C8orf34: variants seen among roughly 807,000 people sequenced by gnomAD.
C8orf34 encodes uncharacterized protein C8orf34.
Under a neutral mutation model 68.3 loss-of-function variants are expected in C8orf34, and 65 were observed. That is an observed-to-expected ratio of 0.95 (90% CI 0.78 to 1.17). The LOEUF (loss-of-function observed/expected upper bound fraction) is 1.17, where lower values mean the gene tolerates loss of function less well. Ranked by LOEUF, C8orf34 falls within the 50% of genes most tolerant of loss-of-function variation. The pLI is 0.00. For missense variants in C8orf34, 664 were observed against 655.4 expected, an observed-to-expected ratio of 1.01 and a Z score of -0.14; for synonymous variants, 244 against 241.2, an observed-to-expected ratio of 1.01 and a Z score of -0.11.
At chr8:68,409,942 C>G (rs1442127867) in intron 1 of C8orf34, among the ~76,000 whole-genome samples, 1 of 152,186 alleles carries the variant, frequency 6.6e-6, no homozygotes, top group Non-Finnish European at 1.5e-5. Context: ...CAGTAACATG[C>G]TGTGCAGGTT....
At chr8:68,580,958 C>T (rs1041554612) in intron 7 of C8orf34, among the ~76,000 whole-genome samples, 3 of 152,030 alleles carry the variant, frequency 2.0e-5, no homozygotes, top group Admixed American at 6.6e-5. Context: ...AATCCCCTAG[C>T]TATTTCAAGT....
At chr8:68,639,071 G>A (rs1585655309) in intron 7 of C8orf34, among the ~76,000 whole-genome samples, 1 of 152,084 alleles carries the variant, frequency 6.6e-6, no homozygotes, top group African/African-American at 2.4e-5. Flanking sequence ...TGGCTGAAAA[G>A]TGTGTGTTCA....
rs564911717 is a variant in C8orf34 at position 68,434,767 on chromosome 8, C to G, written c.328-4732C>G. On this transcript the variant is annotated intron_variant, in intron 1 of 13. Transcript: ENST00000518698. ...AAACAATATTAAGAGAACATTGAGG[C>G]TGGGCGCAGTGGCTCATGCCTGTAA... Among the ~76,000 whole-genome samples the G allele has an allele frequency of 6.6e-5, 10 of 152,246 alleles. No individual in the cohort carries two copies. In the South Asian group the frequency reaches 2.1e-3, roughly 32 times the overall value.
intron 7 of C8orf34, among the ~76,000 whole-genome samples, chr8:68,605,537 G>T (rs949334505): frequency 6.6e-6 from 1 of 152,060 alleles, no homozygotes; most frequent in African/African-American, 2.4e-5. Context: ...ACTATAAAAA[G>T]TGAACTAGCA....
intron 2 of C8orf34, among the ~76,000 whole-genome samples, chr8:68,444,455 T>G (rs2129626516): frequency 6.6e-6 from 1 of 152,246 alleles, no homozygotes; most frequent in Middle Eastern, 3.4e-3. Context: ...TACTGTATTC[T>G]TGTTTTTTAT....
At chr8:68,446,724 G>A in intron 3 of C8orf34, 1 of 411,704 alleles carries the variant, frequency 2.4e-6, no homozygotes, top group South Asian at 9.3e-5. Flanking sequence ...CATGGAGCGG[G>A]TCTCTTGTTT....
chr8:68,593,730 A>G (rs1341088515), intron 7 of C8orf34, among the ~76,000 whole-genome samples: 3 of 151,922 alleles, frequency 2.0e-5, no homozygotes, highest in Admixed American at 1.3e-4. Context: ...TCAAAAAAGT[A>G]CCTTTTAGTT....
chr8:68,334,933 T>C (rs898520604), intron 1 of C8orf34, among the ~76,000 whole-genome samples: 3 of 152,200 alleles, frequency 2.0e-5, no homozygotes, highest in African/African-American at 7.2e-5. Flanking sequence ...CTTCCAGCCA[T>C]GTATGCAACC....
chr8:68,587,817 T>C (rs1370240293), intron 7 of C8orf34, among the ~76,000 whole-genome samples: 2 of 152,044 alleles, frequency 1.3e-5, no homozygotes, highest in Non-Finnish European at 2.9e-5. Context: ...ATAGCATGGC[T>C]GTTTAAATAG....
At chr8:68,620,680 T>C (rs1287886321) in intron 7 of C8orf34, among the ~76,000 whole-genome samples, 2 of 148,876 alleles carry the variant, frequency 1.3e-5, no homozygotes, top group African/African-American at 4.9e-5. Context: ...AAAAAAAGAC[T>C]AAGTTTACTG....
intron 1 of C8orf34, among the ~76,000 whole-genome samples, chr8:68,344,606 A>G (rs1806205865): frequency 6.6e-6 from 1 of 152,206 alleles, no homozygotes. Flanking sequence ...ATATGAGTCT[A>G]CAATTACTTC....
In C8orf34 at chr8:68,576,505, C is replaced by T. The variant is rs1380696262; in HGVS notation, c.1105+43356C>T. Among the ~76,000 whole-genome samples the T allele has an allele frequency of 2.0e-5, 3 of 151,518 alleles. No homozygotes were observed. The East Asian group carries it at 5.8e-4, about 29-fold the overall frequency. ...GTTCTTAGTTACTTTTTCTCAGCTA[C>T]AATTCTTTCAATATTATTGTCTATA... On this transcript the variant is annotated intron_variant, in intron 7 of 13. Transcript: ENST00000518698.
At chr8:68,794,221 G>A (rs1278210808) in intron 12 of C8orf34, among the ~76,000 whole-genome samples, 7 of 151,582 alleles carry the variant, frequency 4.6e-5, no homozygotes, top group Non-Finnish European at 1.0e-4. Flanking sequence ...ACCCAGACTG[G>A]AGTGCAGGGG....
At chr8:68,336,501 G>T (rs1805858195) in intron 1 of C8orf34, among the ~76,000 whole-genome samples, 2 of 152,278 alleles carry the variant, frequency 1.3e-5, no homozygotes, top group East Asian at 1.9e-4. Flanking sequence ...GAACCTTGTT[G>T]TGTTGGATTG....
At chr8:68,598,219 G>T (rs1289980082) in intron 7 of C8orf34, among the ~76,000 whole-genome samples, 2 of 152,082 alleles carry the variant, frequency 1.3e-5, no homozygotes, top group Non-Finnish European at 2.9e-5. Context: ...ATGCAGCACA[G>T]ATCAAAATGA....
At chr8:68,489,928 TAAAC>T (rs966318558) in intron 5 of C8orf34, among the ~76,000 whole-genome samples, 16 of 152,228 alleles carry the variant, frequency 1.1e-4, no homozygotes, top group Non-Finnish European at 2.4e-4. Context: ...TTTCCTTTAA[TAAAC>T]AAACCATCAT....
chr8:68,679,578 C>A (rs1251167237), intron 8 of C8orf34, among the ~76,000 whole-genome samples: 1 of 152,092 alleles, frequency 6.6e-6, no homozygotes, highest in Non-Finnish European at 1.5e-5. Context: ...AAACCACTAT[C>A]TTTTATATGG....
intron 7 of C8orf34, among the ~76,000 whole-genome samples, chr8:68,540,054 A>T (rs1392671293): frequency 2.6e-5 from 4 of 152,132 alleles, no homozygotes; most frequent in Admixed American, 6.5e-5. Context: ...TATTTTTGAA[A>T]TGAAAATCTT....
intron 7 of C8orf34, among the ~76,000 whole-genome samples, chr8:68,583,828 G>A (rs13257088): frequency 2.0e-5 from 3 of 151,942 alleles, no homozygotes; most frequent in African/African-American, 7.2e-5. Context: ...TTATATTCTT[G>A]TGAGGGAGAA....
Sources: gnomAD v4.1 joint callset for allele counts (sites outside exome capture counted in the v4.1 genomes callset) on GRCh38, gnomAD v4.1.1 for gene constraint, MANE v1.5 for transcripts, NCBI Gene and HGNC (gene_info 2026-07-23, HGNC 2026-07-21) for gene names.